B3GNT6: variants seen among roughly 807,000 people sequenced by gnomAD.
The protein encoded by B3GNT6 is UDP-GlcNAc:betaGal beta-1,3-N-acetylglucosaminyltransferase 6.
For synonymous variants in B3GNT6, 300 were observed against 270.0 expected, an observed-to-expected ratio of 1.11 and a Z score of -1.09; for missense variants, 624 against 568.6, an observed-to-expected ratio of 1.10 and a Z score of -0.99.
intron 1 of B3GNT6, among the ~76,000 whole-genome samples, chr11:77,038,755 T>C (rs1434065056): frequency 2.0e-5 from 3 of 151,592 alleles, no homozygotes; most frequent in African/African-American, 7.3e-5. Context: ...TGAAGGTGAA[T>C]GTTTGGGAAC....
Position 77,039,744 on chromosome 11 carries a change from G to A in B3GNT6, c.193G>A (p.Val65Ile), listed in dbSNP as rs782590399. ...GGCTGACGAGCCGCCCTCGGAGCTCGTCCCCGGGCCCCCGTGCGTGGCGAA... is the reference window on the plus strand; with the variant it reads ...GGCTGACGAGCCGCCCTCGGAGCTCATCCCCGGGCCCCCGTGCGTGGCGAA... ...PAADEPPSEL[V>I]PGPPCVANAS... Residue 65 changes from valine to isoleucine, a missense_variant, in exon 2 of 2, where the codon GTC becomes ATC. Coordinates refer to ENST00000622824, the MANE Select transcript of B3GNT6 (RefSeq NM_138706.5). The A allele has an allele frequency of 1.4e-5, 23 of 1,599,166 alleles. No homozygotes were observed. In the Admixed American group the frequency reaches 3.8e-4, roughly 26 times the overall value.
Position 77,040,480 on chromosome 11 carries a change from C to G in B3GNT6, c.929C>G (p.Ala310Gly), listed in dbSNP as rs1555027774. 12 of 1,538,634 alleles carry G rather than the reference C, an allele frequency of 7.8e-6. No homozygotes were observed. The highest frequency in any genetic ancestry group is 1.0e-5 in the Non-Finnish European group (12 of 1,147,818). ...ACCCCGCTCTTCCCCATCGACGACGCCTACATGGGCATGTGTCTGGAGCGC... is the reference window on the plus strand; with the variant it reads ...ACCCCGCTCTTCCCCATCGACGACGGCTACATGGGCATGTGTCTGGAGCGC... The part of the protein sequence containing the change: ...RHTPLFPIDD[A>G]YMGMCLERAG... The change falls in exon 2 of 2, where the codon GCC becomes GGC. Residue 310 changes from alanine to glycine, a missense_variant. By Grantham distance (60) the Ala-to-Gly change is moderately conservative. Transcript: ENST00000622824.
chr11:77,036,224 TA>T (rs144991604), intron 1 of B3GNT6, among the ~76,000 whole-genome samples: 1 of 152,168 alleles, frequency 6.6e-6, no homozygotes, highest in African/African-American at 2.4e-5. Flanking sequence ...CAGTTGACGG[TA>T]AAAGAGACAT....
Position 77,040,906 on chromosome 11 carries a change from G to T in B3GNT6, c.*200G>T, listed in dbSNP as rs1949682539. ...CCGAAGTTTCGATTTGATTAGTCTG[G>T]GGTGGACCCAGACATGTTAAGTATT... On this transcript the variant is annotated 3_prime_UTR_variant, in exon 2 of 2. Transcript: ENST00000622824. 1.2e-6 allele frequency: 1 copy of T among 846,466 alleles called. No homozygotes were observed. The highest frequency in any genetic ancestry group is 1.8e-5 in the African/African-American group (1 of 56,192). The allele number at this position is 846,466 out of a possible 1,614,324, so 52.4% of individuals were successfully genotyped here.
chr11:77,038,159 G>A (rs1343226960), intron 1 of B3GNT6, among the ~76,000 whole-genome samples: 7 of 123,478 alleles, frequency 5.7e-5, no homozygotes, highest in Non-Finnish European at 1.2e-4. Flanking sequence ...AGGGGGAGGG[G>A]GAAGAGGAGG....
intron 1 of B3GNT6, among the ~76,000 whole-genome samples, chr11:77,037,651 C>T (rs1390217472): frequency 2.0e-5 from 3 of 151,764 alleles, no homozygotes; most frequent in Admixed American, 6.6e-5. Flanking sequence ...TGGCTCACAC[C>T]TGTAATCCCA....
chr11:77,035,147 A>G (rs1166661857), intron 1 of B3GNT6, among the ~76,000 whole-genome samples: 1 of 152,220 alleles, frequency 6.6e-6, no homozygotes, highest in Non-Finnish European at 1.5e-5. Context: ...GGCAGAGTGA[A>G]TAGCATTGCA....
intron 1 of B3GNT6, among the ~76,000 whole-genome samples, chr11:77,039,311 G>T (rs1409657574): frequency 1.3e-5 from 2 of 152,184 alleles, no homozygotes; most frequent in East Asian, 3.8e-4. Flanking sequence ...GACGGGTTGT[G>T]GGGCGGTGTT....
Position 77,039,776 on chromosome 11 carries a change from G to C in B3GNT6, c.225G>C (p.Ser75=). ...GGCCCCCGTGCGTGGCGAACGCCTC[G>C]GCGAACGCCACGGCCGACTTCGAGC... ...VPGPPCVANA[S]ANATADFEQL... is the part of the protein sequence containing the mutation. Residue 75 remains serine, a synonymous_variant, in exon 2 of 2, where the codon TCG becomes TCC. Coordinates refer to ENST00000622824, the MANE Select transcript of B3GNT6 (RefSeq NM_138706.5). 6.3e-7 allele frequency: 1 copy of C among 1,586,630 alleles called. No homozygotes were observed. The highest frequency in any genetic ancestry group is 1.1e-5 in the South Asian group (1 of 89,502).
In B3GNT6 at chr11:77,040,046, G is replaced by GGC. The variant is rs782780998; in HGVS notation, c.503_504dup (p.Glu169ArgfsTer65). Reference sequence around the variant, plus strand: ...TGGGCACCCCGGGCCCCGAGGACGAGGCGCGCGCGGAGCGGCTGGCGGAGC... The same window carrying GGC: ...TGGGCACCCCGGGCCCCGAGGACGAGGCGCGCGCGCGGAGCGGCTGGCGGAGC... On this transcript the variant is annotated frameshift_variant, in exon 2 of 2. Transcript: ENST00000622824. LOFTEE classifies it low-confidence loss of function (END_TRUNC). 23 of 1,582,164 alleles carry GGC rather than the reference G, an allele frequency of 1.5e-5. No individual in the cohort carries two copies. In the African/African-American group the frequency reaches 2.2e-4, roughly 15 times the overall value.
chr11:77,038,039 A>AAG (rs1555027149), intron 1 of B3GNT6, among the ~76,000 whole-genome samples: 1 of 1,218 alleles, frequency 8.2e-4, no homozygotes, highest in Non-Finnish European at 1.9e-3. Flanking sequence ...GGAGAGGGAT[A>AAG]GGATGGGAGG....
At position 77,039,915 on chromosome 11, in the gene B3GNT6, G is replaced by C; in HGVS notation, c.364G>C (p.Ala122Pro). 2 of 1,592,968 alleles carry C rather than the reference G, an allele frequency of 1.3e-6. No homozygotes were observed. The highest frequency in any genetic ancestry group is 1.7e-6 in the Non-Finnish European group (2 of 1,177,040). Residue 122 changes from alanine to proline, a missense_variant, in exon 2 of 2, where the codon GCG becomes CCG. By Grantham distance (27) the Ala-to-Pro change is conservative. Transcript: ENST00000622824. ...CGGCCGAGGCGTGTTCCTGCTCCTG[G>C]CGGTGAAGTCGGCGCCTGAGCACTA... ...AGGRGVFLLLAVKSAPEHYER... is the reference protein window; with the variant it reads ...AGGRGVFLLLPVKSAPEHYER...
In B3GNT6 at chr11:77,040,818, G is replaced by T. The variant is rs1949681777; in HGVS notation, c.*112G>T. 1 of 1,395,338 alleles carries T rather than the reference G, an allele frequency of 7.2e-7. No individual in the cohort carries two copies. Among genetic ancestry groups the T allele is most frequent in the Admixed American group, 3.2e-5 (1 of 31,410 alleles). 86.4% of individuals were successfully genotyped at this position (1,395,338 alleles called of 1,614,324 possible). On this transcript the variant is annotated 3_prime_UTR_variant, in exon 2 of 2. Transcript: ENST00000622824. ...CCCAGCTCTGTGCACCTGAACCCCA[G>T]CTGCGCACTGAAATCAGCTGGGGTG...
rs782747442 is a variant in B3GNT6, at chr11:77,040,691, A to T, written c.1140A>T (p.Gly380=). ...GCCCCGCGCTCAGCTGTGACCGGGG[A>T]CACCGGGTCTCCTGAGGCCAGTTGG... is the stretch of plus-strand genomic sequence containing the variant. ...LHSPALSCDR[G]HRVS is the part of the protein sequence containing the mutation. Residue 380 remains glycine, a synonymous_variant, in exon 2 of 2, where the codon GGA becomes GGT. Transcript: ENST00000622824. 3 of 1,581,004 alleles carry T rather than the reference A, an allele frequency of 1.9e-6. No individual in the cohort carries two copies. Among genetic ancestry groups the T allele is most frequent in the Non-Finnish European group, 2.6e-6 (3 of 1,168,734 alleles).
intron 1 of B3GNT6, 50 bp from the exon 2 acceptor site, chr11:77,039,502 C>G: frequency 6.5e-7 from 1 of 1,527,218 alleles, no homozygotes; most frequent in Non-Finnish European, 8.8e-7. Context: ...GGTGTCCTGC[C>G]GGTGTCAAAG....
rs1949676802 is a variant in B3GNT6, at chr11:77,040,468, C to G, written c.917C>G (p.Pro306Arg). The G allele has an allele frequency of 2.0e-6, 3 of 1,536,746 alleles. No homozygotes were observed. The highest frequency in any genetic ancestry group is 2.6e-6 in the Non-Finnish European group (3 of 1,146,678). The change falls in exon 2 of 2, where the codon CCC becomes CGC. Residue 306 changes from proline to arginine, a missense_variant. Coordinates refer to ENST00000622824, the MANE Select transcript of B3GNT6 (RefSeq NM_138706.5). Reference protein sequence around the residue: ...RAAARHTPLFPIDDAYMGMCL... With the variant: ...RAAARHTPLFRIDDAYMGMCL... Reference sequence around the variant, plus strand: ...GCCGCCCGCCACACCCCGCTCTTCCCCATCGACGACGCCTACATGGGCATG... The same window carrying G: ...GCCGCCCGCCACACCCCGCTCTTCCGCATCGACGACGCCTACATGGGCATG...
In B3GNT6 at chr11:77,039,931, C is replaced by T. The variant is rs1555027503; in HGVS notation, c.380C>T (p.Pro127Leu). 2 of 1,592,974 alleles carry T rather than the reference C, an allele frequency of 1.3e-6. No homozygotes were observed. Among genetic ancestry groups the T allele is most frequent in the East Asian group, 2.3e-5 (1 of 44,344 alleles). The change falls in exon 2 of 2, where the codon CCT becomes CTT. Residue 127 changes from proline (P) to leucine (L), a missense_variant. Transcript: ENST00000622824. ...CTGCTCCTGGCGGTGAAGTCGGCGC[C>T]TGAGCACTACGAGCGACGCGAGCTC... Reference protein sequence around the residue: ...VFLLLAVKSAPEHYERRELIR... With the variant: ...VFLLLAVKSALEHYERRELIR...
intron 1 of B3GNT6, among the ~76,000 whole-genome samples, chr11:77,038,143 GA>G (rs1248252562): frequency 1.5e-4 from 16 of 103,490 alleles, no homozygotes; most frequent in African/African-American, 6.0e-4. Flanking sequence ...GGGGGAGGAG[GA>G]GGGGAGGGGG....
chr11:77,034,821 A>T (rs1949621810), intron 1 of B3GNT6, among the ~76,000 whole-genome samples: 1 of 152,202 alleles, frequency 6.6e-6, no homozygotes, highest in Admixed American at 6.5e-5. Flanking sequence ...CTCAGCATCA[A>T]ACCAGAGGAG....
Sources: allele counts gnomAD v4.1 joint callset (sites outside exome capture counted in the v4.1 genomes callset), GRCh38; gene constraint gnomAD v4.1.1; transcripts MANE v1.5; gene names NCBI Gene and HGNC (gene_info 2026-07-23, HGNC 2026-07-21).